Variants in PREX2 observed in about 807,000 individuals in gnomAD.
The protein encoded by PREX2 is phosphatidylinositol-3,4,5-trisphosphate dependent Rac exchange factor 2.
In PREX2, 107 loss-of-function variants were observed where a neutral mutation model predicts 203.2. The ratio of observed to expected loss-of-function variants is 0.53; its 90% CI spans 0.45 to 0.62. PREX2 has a LOEUF of 0.62. PREX2 is among the 20% of genes least tolerant of loss of function. The pLI is 0.00. For synonymous variants in PREX2, 672 were observed against 663.6 expected (o/e 1.01, Z -0.19); for missense variants, 1,777 against 1,955.9 (o/e 0.91, Z 1.72).
chr8:68,130,611 A>T (rs1250394941), intron 31 of PREX2, among the ~76,000 whole-genome samples: 1 of 152,202 alleles, frequency 6.6e-6, no homozygotes, highest in Non-Finnish European at 1.5e-5. Context: ...TGTAGACCTA[A>T]GAAGGAGGAA....
intron 7 of PREX2, 131 bp downstream of exon 7, chr8:68,038,423 A>G: frequency 1.1e-6 from 1 of 889,366 alleles, no homozygotes; most frequent in Non-Finnish European, 1.7e-6. Context: ...CCCATCATCC[A>G]TCAGTGCATT....
chr8:68,097,666 G>T (rs1356713420), intron 22 of PREX2, among the ~76,000 whole-genome samples: 1 of 152,114 alleles, frequency 6.6e-6, no homozygotes, highest in Non-Finnish European at 1.5e-5. Context: ...CCACTATTTG[G>T]TATGCATACA....
intron 1 of PREX2, among the ~76,000 whole-genome samples, chr8:67,997,207 C>T (rs1269117505): frequency 3.3e-5 from 5 of 152,156 alleles, no homozygotes; most frequent in East Asian, 3.9e-4. Context: ...AGTAATAATT[C>T]AGTTAACCCT....
chr8:67,989,954 A>G (rs1320339929), intron 1 of PREX2, among the ~76,000 whole-genome samples: 1 of 152,224 alleles, frequency 6.6e-6, no homozygotes, highest in Non-Finnish European at 1.5e-5. Flanking sequence ...AAGGCTTTGT[A>G]AACTGCTCAT....
intron 34 of PREX2, among the ~76,000 whole-genome samples, chr8:68,154,144 C>T (rs1008441854): frequency 9.2e-5 from 14 of 152,280 alleles, no homozygotes; most frequent in Admixed American, 7.8e-4. Flanking sequence ...GGTTTTAAGT[C>T]ACAAATCAAA....
At chr8:68,111,469 C>T (rs1810533478) in intron 25 of PREX2, among the ~76,000 whole-genome samples, 1 of 151,874 alleles carries the variant, frequency 6.6e-6, no homozygotes, top group African/African-American at 2.4e-5. Context: ...GCTCCTTTTA[C>T]TTGGTTTAAA....
intron 34 of PREX2, 53 bp downstream of exon 34, chr8:68,146,405 T>C: frequency 7.3e-7 from 1 of 1,374,156 alleles, no homozygotes; most frequent in East Asian, 2.4e-5. Context: ...TTATCTTTAT[T>C]AATGCTTTTA....
chr8:68,224,454 T>C lies in PREX2; in HGVS notation c.4708-105T>C, dbSNP rs1813016765. ...CTTTCTCTTAGCTAATCTCCCTTGA[T>C]GTTAAAGACATTGTTTGAATAAGTA... On this transcript the variant is annotated intron_variant, in intron 38 of 39. Transcript: ENST00000288368. The C allele has an allele frequency of 3.6e-6, 3 of 842,018 alleles. No individual in the cohort carries two copies. In the South Asian group the frequency reaches 4.4e-5, roughly 12 times the overall value. 52.2% of individuals were successfully genotyped at this position (842,018 alleles called of 1,614,324 possible). A position where few individuals can be genotyped will look rare whatever the true frequency, so the allele number is the denominator to read the frequency against.
At chr8:68,031,157 C>G (rs1470109186) in intron 6 of PREX2, among the ~76,000 whole-genome samples, 1 of 152,052 alleles carries the variant, frequency 6.6e-6, no homozygotes, top group Non-Finnish European at 1.5e-5. Context: ...GTTATGGCTT[C>G]CTGAGTCACT....
At chr8:68,066,538 T>C (rs1809021229) in intron 11 of PREX2, among the ~76,000 whole-genome samples, 2 of 152,148 alleles carry the variant, frequency 1.3e-5, no homozygotes, top group East Asian at 1.9e-4. Flanking sequence ...TTTATTTAGG[T>C]TCTTCACCCA....
At chr8:68,130,082 A>G (rs1428010232) in intron 31 of PREX2, among the ~76,000 whole-genome samples, 1 of 144,440 alleles carries the variant, frequency 6.9e-6, no homozygotes, top group Non-Finnish European at 1.5e-5. Flanking sequence ...GTTTGAGACC[A>G]GCCTGGATAT....
intron 1 of PREX2, among the ~76,000 whole-genome samples, chr8:68,007,701 CTA>C (rs1807136160): frequency 6.6e-6 from 1 of 152,186 alleles, no homozygotes. Flanking sequence ...GCTCCGCCTC[CTA>C]GGTTCATACC....
chr8:68,150,649 C>T (rs1409168661), intron 34 of PREX2, among the ~76,000 whole-genome samples: 1 of 152,168 alleles, frequency 6.6e-6, no homozygotes, highest in African/African-American at 2.4e-5. Context: ...AGCAGCTTTG[C>T]CAAGGTGGCG....
At chr8:68,088,123 A>T (rs1035588363) in intron 19 of PREX2, among the ~76,000 whole-genome samples, 2 of 152,286 alleles carry the variant, frequency 1.3e-5, no homozygotes, top group Admixed American at 6.5e-5. Context: ...AAGTAATTGT[A>T]TTTCTTTGTC....
intron 35 of PREX2, among the ~76,000 whole-genome samples, chr8:68,168,432 A>G (rs1026909880): frequency 4.6e-5 from 7 of 152,226 alleles, no homozygotes; most frequent in African/African-American, 1.7e-4. Flanking sequence ...TAATTACATG[A>G]TACCCTGTTC....
intron 37 of PREX2, among the ~76,000 whole-genome samples, chr8:68,209,607 AC>A (rs978846404): frequency 6.6e-5 from 10 of 152,174 alleles, no homozygotes; most frequent in African/African-American, 2.2e-4. Flanking sequence ...GTTATAAAGA[AC>A]AGTGAAAATG....
At chr8:68,088,583 C>A (rs1314766199) in intron 19 of PREX2, among the ~76,000 whole-genome samples, 3 of 151,324 alleles carry the variant, frequency 2.0e-5, no homozygotes, top group African/African-American at 7.3e-5. Context: ...TTATCAGAAT[C>A]AAATTTATCA....
At chr8:68,032,922 T>TC (rs1402394378) in intron 6 of PREX2, among the ~76,000 whole-genome samples, 1 of 152,176 alleles carries the variant, frequency 6.6e-6, no homozygotes, top group East Asian at 1.9e-4. Flanking sequence ...TTCCACAGCC[T>TC]CCTGCAGACC....
intron 34 of PREX2, among the ~76,000 whole-genome samples, chr8:68,150,745 T>C (rs1811417327): frequency 2.0e-5 from 3 of 152,180 alleles, no homozygotes; most frequent in Non-Finnish European, 4.4e-5. Flanking sequence ...AAGTGAGTCA[T>C]TGGAAATGAT....
Sources: gnomAD v4.1 joint callset for allele counts (sites outside exome capture counted in the v4.1 genomes callset) on GRCh38, gnomAD v4.1.1 for gene constraint, MANE v1.5 for transcripts, NCBI Gene and HGNC (gene_info 2026-07-23, HGNC 2026-07-21) for gene names.